Variants in UMAD1 observed in about 807,000 individuals in gnomAD.
UMAD1 encodes the protein UBAP1-MVB12-associated (UMA) domain containing 1.
A neutral mutation model predicts 6.1 loss-of-function variants in UMAD1; 8 were observed. The ratio of observed to expected loss-of-function variants is 1.30; its 90% CI spans 0.76 to 2.35. The LOEUF (loss-of-function observed/expected upper bound fraction) is 2.35. UMAD1 is among the 30% of genes most tolerant of loss of function. UMAD1 has a pLI of 0.00. For missense variants in UMAD1, 130 were observed against 78.4 expected, an observed-to-expected ratio of 1.66 and a Z score of -2.49; for synonymous variants, 56 against 31.4, an observed-to-expected ratio of 1.78 and a Z score of -2.61.
At chr7:7,817,413 A>G (rs1029404502) in intron 3 of UMAD1, among the ~76,000 whole-genome samples, 1 of 152,222 alleles carries the variant, frequency 6.6e-6, no homozygotes, top group Admixed American at 6.5e-5. Context: ...TTATCTAAGT[A>G]TTACTCTTAA....
chr7:7,819,868 C>T lies in UMAD1; in HGVS notation c.156+18125C>T, dbSNP rs181319053. 1.3e-3 allele frequency among the ~76,000 whole-genome samples: 205 copies of T among 152,254 alleles called. 1 individual carries two copies. In the Middle Eastern group the frequency reaches 0.017, roughly 13 times the overall value. The stretch of plus-strand genomic sequence containing the variant: ...TATTTCACCAAATATTTCTTATACA[C>T]CTATTTTGGATGAGGCTCTGTTAAA... On this transcript the variant is annotated intron_variant, in intron 3 of 3. Transcript: ENST00000682710.
chr7:7,763,117 A>G (rs969092364), intron 2 of UMAD1, among the ~76,000 whole-genome samples: 4 of 152,234 alleles, frequency 2.6e-5, no homozygotes, highest in Non-Finnish European at 4.4e-5. Context: ...TAAACAGCCT[A>G]GTAGGGAAAA....
chr7:7,663,835 A>C (rs7800853), intron 1 of UMAD1, among the ~76,000 whole-genome samples: 126,584 of 152,018 alleles, frequency 0.83, 52,907 homozygotes, highest in Non-Finnish European at 0.88. Context: ...TATCAGTTTT[A>C]TACAACTGAT....
chr7:7,811,701 C>T (rs185258294), intron 3 of UMAD1, among the ~76,000 whole-genome samples: 4 of 152,226 alleles, frequency 2.6e-5, no homozygotes, highest in East Asian at 3.9e-4. Flanking sequence ...AAGGGAGATG[C>T]GAATCTGCTG....
intron 2 of UMAD1, among the ~76,000 whole-genome samples, chr7:7,717,959 T>C (rs1271498992): frequency 6.6e-6 from 1 of 152,254 alleles, no homozygotes; most frequent in African/African-American, 2.4e-5. Context: ...CACAGAGTGC[T>C]GTAGATTCTG....
At chr7:7,768,761 A>G (rs771544803) in intron 2 of UMAD1, among the ~76,000 whole-genome samples, 9 of 152,244 alleles carry the variant, frequency 5.9e-5, no homozygotes, top group Admixed American at 4.6e-4. Context: ...ATAAATAAAT[A>G]AATGAATGCA....
At chr7:7,871,492 G>A (rs1023936470) in intron 3 of UMAD1, among the ~76,000 whole-genome samples, 25 of 152,088 alleles carry the variant, frequency 1.6e-4, no homozygotes, top group Admixed American at 1.6e-3. Flanking sequence ...TCTTTAATAC[G>A]GGACTAATAG....
intron 2 of UMAD1, among the ~76,000 whole-genome samples, chr7:7,747,683 T>A (rs1781598149): frequency 6.6e-6 from 1 of 152,206 alleles, no homozygotes; most frequent in Non-Finnish European, 1.5e-5. Flanking sequence ...CTTTCATCTC[T>A]AGCATTGAGT....
chr7:7,718,129 A>T (rs1780963967), intron 2 of UMAD1, among the ~76,000 whole-genome samples: 1 of 152,202 alleles, frequency 6.6e-6, no homozygotes, highest in African/African-American at 2.4e-5. Context: ...TAGATCAGAT[A>T]AGAAAGTAAA....
intron 2 of UMAD1, among the ~76,000 whole-genome samples, chr7:7,716,485 G>C (rs1441256162): frequency 6.6e-6 from 1 of 152,204 alleles, no homozygotes; most frequent in African/African-American, 2.4e-5. Flanking sequence ...AGCTTGCACA[G>C]GTGAATGCTG....
At chr7:7,728,217 C>T (rs922907302) in intron 2 of UMAD1, among the ~76,000 whole-genome samples, 11 of 152,122 alleles carry the variant, frequency 7.2e-5, no homozygotes, top group African/African-American at 2.4e-4. Flanking sequence ...TCTTTATAGT[C>T]AACTTGACAT....
At chr7:7,861,805 T>G (rs896357892) in intron 3 of UMAD1, among the ~76,000 whole-genome samples, 1 of 152,198 alleles carries the variant, frequency 6.6e-6, no homozygotes, top group Non-Finnish European at 1.5e-5. Context: ...TAGAGAGATG[T>G]TTATACATAG....
intron 2 of UMAD1, among the ~76,000 whole-genome samples, chr7:7,731,589 T>C (rs966064050): frequency 6.6e-6 from 1 of 151,930 alleles, no homozygotes; most frequent in Non-Finnish European, 1.5e-5. Flanking sequence ...CATAGGCATT[T>C]AAGTTAATTC....
At chr7:7,827,072 A>T (rs1783355411) in intron 3 of UMAD1, among the ~76,000 whole-genome samples, 1 of 151,500 alleles carries the variant, frequency 6.6e-6, no homozygotes, top group African/African-American at 2.4e-5. Flanking sequence ...GCCAAAGAAG[A>T]TGGATTAATT....
intron 2 of UMAD1, among the ~76,000 whole-genome samples, chr7:7,784,648 T>C (rs1782424472): frequency 6.6e-6 from 1 of 152,010 alleles, no homozygotes; most frequent in African/African-American, 2.4e-5. Context: ...CCCGGCCTAC[T>C]TAAAATCTTT....
chr7:7,723,844 C>A (rs963790539), intron 2 of UMAD1, among the ~76,000 whole-genome samples: 16 of 152,294 alleles, frequency 1.1e-4, no homozygotes, highest in African/African-American at 3.4e-4. Context: ...TCGTGTAGAG[C>A]TCTGCCATTG....
chr7:7,794,909 G>C (rs986110958), intron 2 of UMAD1, among the ~76,000 whole-genome samples: 5 of 152,110 alleles, frequency 3.3e-5, no homozygotes, highest in African/African-American at 1.2e-4. Context: ...TTACCTGAAG[G>C]CGTCATCTAC....
chr7:7,733,380 A>G (rs1781293269), intron 2 of UMAD1, among the ~76,000 whole-genome samples: 1 of 151,998 alleles, frequency 6.6e-6, no homozygotes, highest in Non-Finnish European at 1.5e-5. Context: ...AATATCTTCA[A>G]TGACATGACA....
At chr7:7,737,383 T>A (rs1781381377) in intron 2 of UMAD1, among the ~76,000 whole-genome samples, 1 of 152,184 alleles carries the variant, frequency 6.6e-6, no homozygotes, top group Non-Finnish European at 1.5e-5. Flanking sequence ...TCAATAGAAG[T>A]TTCCCCTTCT....
Sources: gnomAD v4.1 joint callset for allele counts (sites outside exome capture counted in the v4.1 genomes callset) on GRCh38, gnomAD v4.1.1 for gene constraint, MANE v1.5 for transcripts, NCBI Gene and HGNC (gene_info 2026-07-23, HGNC 2026-07-21) for gene names.